ERGIC1: variants seen among roughly 807,000 people sequenced by gnomAD.
ERGIC1 encodes the protein endoplasmic reticulum-Golgi intermediate compartment protein 1.
In ERGIC1, 19 loss-of-function variants were observed where a neutral mutation model predicts 38.3. That is an observed-to-expected ratio of 0.50 (90% CI 0.35 to 0.73). The LOEUF is 0.73. Ranked by LOEUF, ERGIC1 falls within the 30% of genes least tolerant of loss-of-function variation. The pLI is 0.01. For missense variants in ERGIC1, 294 were observed against 389.2 expected, an observed-to-expected ratio of 0.76 and a Z score of 2.06; for synonymous variants, 124 against 157.6, an observed-to-expected ratio of 0.79 and a Z score of 1.60.
Position 172,886,858 on chromosome 5 carries a change from C to G in ERGIC1, c.21-1841C>G, listed in dbSNP as rs922875997. On this transcript the variant is annotated intron_variant, in intron 1 of 9. Transcript: ENST00000393784. ...GCACATGCTCTTACCTCTCACACAC[C>G]TCTCAGTGTTAAAGCGGCCCCCACT... is the stretch of plus-strand genomic sequence containing the variant. Among the ~76,000 whole-genome samples, 4 of 152,260 alleles carry G rather than the reference C, an allele frequency of 2.6e-5. No individual in the cohort carries two copies. The East Asian group carries it at 5.8e-4, about 22-fold the overall frequency.
At chr5:172,939,794 G>A (rs1279734651) in intron 9 of ERGIC1, among the ~76,000 whole-genome samples, 3 of 152,256 alleles carry the variant, frequency 2.0e-5, no homozygotes, top group African/African-American at 7.2e-5. Flanking sequence ...CTGGCAGATG[G>A]CGTCATTGTG....
intron 1 of ERGIC1, among the ~76,000 whole-genome samples, chr5:172,857,941 ACTG>A (rs1761595661): frequency 9.9e-5 from 15 of 151,978 alleles, no homozygotes; most frequent in Admixed American, 4.6e-4. Context: ...TGTGCCAGGC[ACTG>A]CGAGACTCGG....
chr5:172,862,307 CAAAAA>C (rs58968820), intron 1 of ERGIC1, among the ~76,000 whole-genome samples: 17 of 49,490 alleles, frequency 3.4e-4, no homozygotes, highest in South Asian at 1.5e-3. Flanking sequence ...GACTACATCT[CAAAAA>C]AAAAAAAAAA....
chr5:172,892,428 A>C (rs1392042526), intron 2 of ERGIC1, among the ~76,000 whole-genome samples: 1 of 152,208 alleles, frequency 6.6e-6, no homozygotes, highest in Non-Finnish European at 1.5e-5. Context: ...TTGGAGACTT[A>C]CAGCTCAGGG....
chr5:172,941,177 C>T (rs529395401), intron 9 of ERGIC1, among the ~76,000 whole-genome samples: 52 of 151,724 alleles, frequency 3.4e-4, no homozygotes, highest in African/African-American at 9.7e-4. Context: ...GAGGCTGAGG[C>T]AGTTGGAGGC....
intron 2 of ERGIC1, among the ~76,000 whole-genome samples, chr5:172,891,047 C>G (rs1192804054): frequency 6.6e-6 from 1 of 152,262 alleles, no homozygotes; most frequent in African/African-American, 2.4e-5. Flanking sequence ...TCACTCCCCT[C>G]TCTGAGCCTC....
intron 1 of ERGIC1, among the ~76,000 whole-genome samples, chr5:172,885,823 C>T (rs568516051): frequency 3.7e-4 from 57 of 152,314 alleles, no homozygotes; most frequent in African/African-American, 1.2e-3. Flanking sequence ...AAGGCCTCTC[C>T]GCTCAAATGG....
chr5:172,944,327 C>G (rs548266045), intron 9 of ERGIC1, among the ~76,000 whole-genome samples: 1 of 152,008 alleles, frequency 6.6e-6, no homozygotes, highest in Non-Finnish European at 1.5e-5. Context: ...CAGTCAATGC[C>G]ACCACAGTCC....
chr5:172,867,890 CAA>C (rs902743350), intron 1 of ERGIC1, among the ~76,000 whole-genome samples: 1 of 152,172 alleles, frequency 6.6e-6, no homozygotes, highest in South Asian at 2.1e-4. Flanking sequence ...ATTTGTTTCT[CAA>C]AATCTCCCTA....
chr5:172,870,423 C>T (rs953687347), intron 1 of ERGIC1, among the ~76,000 whole-genome samples: 2 of 152,144 alleles, frequency 1.3e-5, no homozygotes, highest in African/African-American at 4.8e-5. Flanking sequence ...CATTTTTCTA[C>T]TCCAGACAAG....
At chr5:172,855,678 T>C (rs996755584) in intron 1 of ERGIC1, among the ~76,000 whole-genome samples, 1 of 152,230 alleles carries the variant, frequency 6.6e-6, no homozygotes, top group Non-Finnish European at 1.5e-5. Context: ...GCTGGTTTGG[T>C]GCTGGGGCAG....
chr5:172,899,724 C>T (rs140068233), intron 3 of ERGIC1, among the ~76,000 whole-genome samples: 84 of 152,254 alleles, frequency 5.5e-4, no homozygotes, highest in Admixed American at 1.2e-3. Context: ...CAGTGGTAGA[C>T]ACAGTCAACA....
intron 9 of ERGIC1, among the ~76,000 whole-genome samples, chr5:172,949,932 G>C (rs1345574960): frequency 6.6e-6 from 1 of 152,188 alleles, no homozygotes; most frequent in Non-Finnish European, 1.5e-5. Flanking sequence ...AATTAGCCAG[G>C]CGCGGTGGCA....
intron 1 of ERGIC1, among the ~76,000 whole-genome samples, chr5:172,844,783 T>A (rs1761243906): frequency 6.6e-6 from 1 of 152,224 alleles, no homozygotes; most frequent in Admixed American, 6.5e-5. Context: ...TTGGACCTGC[T>A]GTCCTCTTTG....
intron 5 of ERGIC1, among the ~76,000 whole-genome samples, chr5:172,919,452 C>T (rs1763455202): frequency 6.6e-6 from 1 of 152,166 alleles, no homozygotes; most frequent in African/African-American, 2.4e-5. Flanking sequence ...CCAAGCCCTC[C>T]CACCTCTTGG....
chr5:172,861,298 C>T (rs1761692746), intron 1 of ERGIC1, among the ~76,000 whole-genome samples: 1 of 152,082 alleles, frequency 6.6e-6, no homozygotes, highest in Non-Finnish European at 1.5e-5. Context: ...GCCCTGACCT[C>T]ACCCAGCCTG....
intron 1 of ERGIC1, among the ~76,000 whole-genome samples, chr5:172,844,267 A>G (rs1345716065): frequency 6.6e-6 from 1 of 152,222 alleles, no homozygotes; most frequent in Non-Finnish European, 1.5e-5. Flanking sequence ...TGATTGGGCA[A>G]GATGTGGGCC....
At chr5:172,904,455 GTC>G (rs1437246193) in intron 3 of ERGIC1, among the ~76,000 whole-genome samples, 1 of 152,170 alleles carries the variant, frequency 6.6e-6, no homozygotes, top group African/African-American at 2.4e-5. Context: ...TGTGTCCTAG[GTC>G]TCCCAGCTCC....
intron 9 of ERGIC1, among the ~76,000 whole-genome samples, chr5:172,947,908 GTGTGGTT>G (rs908983574): frequency 2.0e-5 from 3 of 151,768 alleles, no homozygotes; most frequent in African/African-American, 7.3e-5. Context: ...GTGTGTGTGT[GTGTGGTT>G]ATTTTTTATT....
Sources: gnomAD v4.1 joint callset for allele counts (sites outside exome capture counted in the v4.1 genomes callset) on GRCh38, gnomAD v4.1.1 for gene constraint, MANE v1.5 for transcripts, NCBI Gene and HGNC (gene_info 2026-07-23, HGNC 2026-07-21) for gene names.